MLLT3: variants seen among roughly 807,000 people sequenced by gnomAD.
The protein encoded by MLLT3 is protein AF-9.
MLLT3 carries 4 observed loss-of-function variants against 53.2 expected under a neutral mutation model. The observed-to-expected ratio is 0.08, with a 90% CI of 0.04 to 0.17. The LOEUF (loss-of-function observed/expected upper bound fraction) is 0.17. MLLT3 is among the 10% of genes least tolerant of loss of function. The pLI is 1.00. For missense variants in MLLT3, 569 were observed against 684.0 expected (o/e 0.83, Z 1.87); for synonymous variants, 283 against 230.6 (o/e 1.23, Z -2.06).
chr9:20,370,280 T>C (rs916562642), intron 5 of MLLT3, among the ~76,000 whole-genome samples: 1 of 152,196 alleles, frequency 6.6e-6, no homozygotes, highest in Non-Finnish European at 1.5e-5. Context: ...CTGAGATCAG[T>C]GATCTTTGAT....
intron 2 of MLLT3, among the ~76,000 whole-genome samples, chr9:20,587,484 C>T (rs570945335): frequency 1.3e-5 from 2 of 151,876 alleles, no homozygotes; most frequent in South Asian, 4.2e-4. Context: ...AAGAGAGGGG[C>T]CCCCTACTCT....
chr9:20,354,484 G>A (rs1275192614), intron 9 of MLLT3, among the ~76,000 whole-genome samples: 1 of 152,204 alleles, frequency 6.6e-6, no homozygotes, highest in Non-Finnish European at 1.5e-5. Context: ...AGCATCAGAT[G>A]TCTTGCTCAT....
At chr9:20,477,483 T>G (rs1006454964) in intron 2 of MLLT3, among the ~76,000 whole-genome samples, 3 of 152,166 alleles carry the variant, frequency 2.0e-5, no homozygotes, top group African/African-American at 7.2e-5. Flanking sequence ...TAAAACAAAC[T>G]CTGCCACCTA....
At chr9:20,582,786 G>A (rs1563829222) in intron 2 of MLLT3, among the ~76,000 whole-genome samples, 2 of 152,166 alleles carry the variant, frequency 1.3e-5, no homozygotes, top group South Asian at 2.1e-4. Flanking sequence ...AGGAAAGACC[G>A]GCCTCCATGA....
At chr9:20,422,235 C>G (rs1222470785) in intron 4 of MLLT3, among the ~76,000 whole-genome samples, 1 of 152,130 alleles carries the variant, frequency 6.6e-6, no homozygotes, top group Admixed American at 6.5e-5. Context: ...AAAGAAAGGT[C>G]TCCTGTTATG....
intron 4 of MLLT3, among the ~76,000 whole-genome samples, chr9:20,421,655 A>T (rs1236839077): frequency 1.3e-5 from 2 of 152,218 alleles, no homozygotes; most frequent in Admixed American, 6.5e-5. Context: ...TTCTGACTTA[A>T]AGAAAATTTA....
intron 2 of MLLT3, among the ~76,000 whole-genome samples, chr9:20,470,513 G>A (rs1286106366): frequency 6.6e-6 from 1 of 151,994 alleles, no homozygotes; most frequent in East Asian, 1.9e-4. Context: ...ATGTGAATTA[G>A]TATACCTATG....
intron 5 of MLLT3, among the ~76,000 whole-genome samples, chr9:20,375,983 T>C (rs1821755557): frequency 6.6e-6 from 1 of 152,162 alleles, no homozygotes; most frequent in African/African-American, 2.4e-5. Flanking sequence ...CTGGCATTAA[T>C]AGGACCAATG....
chr9:20,375,711 C>T (rs1271902231), intron 5 of MLLT3, among the ~76,000 whole-genome samples: 1 of 151,252 alleles, frequency 6.6e-6, no homozygotes, highest in African/African-American at 2.4e-5. Flanking sequence ...TGGGTTCACG[C>T]CATTCTCCCG....
intron 2 of MLLT3, among the ~76,000 whole-genome samples, chr9:20,475,080 T>A (rs963520166): frequency 6.6e-6 from 1 of 152,098 alleles, no homozygotes; most frequent in Non-Finnish European, 1.5e-5. Context: ...GGGAACTGAA[T>A]GAATGAATGA....
At chr9:20,555,952 A>G (rs1332561568) in intron 2 of MLLT3, among the ~76,000 whole-genome samples, 1 of 152,254 alleles carries the variant, frequency 6.6e-6, no homozygotes, top group Middle Eastern at 3.2e-3. Context: ...GTTTTGCCAT[A>G]TAACTTCAGA....
intron 2 of MLLT3, among the ~76,000 whole-genome samples, chr9:20,585,514 G>T (rs1819931924): frequency 6.6e-6 from 1 of 152,190 alleles, no homozygotes; most frequent in African/African-American, 2.4e-5. Flanking sequence ...TTCAAAAGTG[G>T]CTGTGTCACT....
intron 2 of MLLT3, among the ~76,000 whole-genome samples, chr9:20,570,248 A>G (rs952554768): frequency 2.0e-5 from 3 of 152,282 alleles, no homozygotes; most frequent in Admixed American, 2.0e-4. Context: ...AGATTGTTTT[A>G]TTTATACAGT....
intron 5 of MLLT3, among the ~76,000 whole-genome samples, chr9:20,376,302 T>TTA (rs1821763596): frequency 1.3e-5 from 2 of 152,200 alleles, no homozygotes; most frequent in Non-Finnish European, 2.9e-5. Flanking sequence ...TAGATTAGAA[T>TTA]CATATTTAGC....
intron 2 of MLLT3, among the ~76,000 whole-genome samples, chr9:20,462,463 C>T (rs139048152): frequency 9.9e-5 from 15 of 152,026 alleles, no homozygotes; most frequent in Non-Finnish European, 2.1e-4. Context: ...ACTGTAGCCA[C>T]CCAATATAAC....
intron 2 of MLLT3, among the ~76,000 whole-genome samples, chr9:20,550,429 G>GT (rs779280415): frequency 2.0e-5 from 3 of 152,006 alleles, no homozygotes; most frequent in East Asian, 1.9e-4. Flanking sequence ...CTGTGTGTGT[G>GT]TGTTGTTGTT....
chr9:20,539,795 G>A lies in MLLT3; in HGVS notation c.193+80859C>T, dbSNP rs906068626. ...CAATCATTCCTTCATGACAGTCCCC[G>A]AAGTCTTAACTCATTCCAGCATTAA... On this transcript the variant is annotated intron_variant, in intron 2 of 10. Transcript: ENST00000380338. Among the ~76,000 whole-genome samples, 8 of 152,076 alleles carry A rather than the reference G, an allele frequency of 5.3e-5. No individual in the cohort carries two copies. In the South Asian group the frequency reaches 6.2e-4, roughly 12 times the overall value.
At chr9:20,582,859 A>C (rs4443746) in intron 2 of MLLT3, among the ~76,000 whole-genome samples, 1 of 152,022 alleles carries the variant, frequency 6.6e-6, no homozygotes, top group South Asian at 2.1e-4. Flanking sequence ...TACAATTCAA[A>C]TTGAGATTTG....
At position 20,622,419 on chromosome 9, in the gene MLLT3, C is replaced by T; in HGVS notation, c.-163G>A. On this transcript the variant is annotated 5_prime_UTR_variant, in exon 1 of 11. Transcript: ENST00000380338. ...GCCTTTTTCCCCCCGCGCTCGCTTGCTCGCTCGCTCGCTTATTAAACTCAG... is the reference window on the plus strand; with the variant it reads ...GCCTTTTTCCCCCCGCGCTCGCTTGTTCGCTCGCTCGCTTATTAAACTCAG... 2 of 617,670 alleles carry T rather than the reference C, an allele frequency of 3.2e-6. No homozygotes were observed. The highest frequency in any genetic ancestry group is 3.2e-5 in the East Asian group (1 of 31,480). The allele number at this position is 617,670 out of a possible 1,614,324, so 38.3% of individuals were successfully genotyped here.
Sources: allele counts gnomAD v4.1 joint callset (sites outside exome capture counted in the v4.1 genomes callset), GRCh38; gene constraint gnomAD v4.1.1; transcripts MANE v1.5; gene names NCBI Gene and HGNC (gene_info 2026-07-23, HGNC 2026-07-21).